Variants in CDV3 observed in about 807,000 individuals in gnomAD.
CDV3 encodes the protein CDV3 homolog.
Under a neutral mutation model 24.5 loss-of-function variants are expected in CDV3, and 14 were observed. That is an observed-to-expected ratio of 0.57 (90% CI 0.38 to 0.89). The LOEUF is 0.89. CDV3 is among the 40% of genes least tolerant of loss of function. The pLI, the probability that CDV3 is intolerant of heterozygous loss-of-function variation, is 0.00. For synonymous variants in CDV3, 114 were observed against 114.1 expected (o/e 1.00, Z 0.00); for missense variants, 304 against 310.2 (o/e 0.98, Z 0.15).
At chr3:133,585,708 C>T (rs1933530769) in intron 3 of CDV3, among the ~76,000 whole-genome samples, 1 of 151,916 alleles carries the variant, frequency 6.6e-6, no homozygotes, top group Admixed American at 6.6e-5. Context: ...TTTGGCCAGG[C>T]TGGTTTTGAA....
rs1421151649 is a variant in CDV3, at chr3:133,589,012, G to A, written c.*966G>A. The A allele has an allele frequency of 1.4e-4, 21 of 152,638 alleles. No individual in the cohort carries two copies. The allele number at this position is 152,638 out of a possible 1,614,324, so 9.5% of individuals were successfully genotyped here. A position where few individuals can be genotyped will look rare whatever the true frequency, so the allele number is the denominator to read the frequency against. ...AACCAAATAGCCTTTGATGAAAAGG[G>A]CAGTGGATTCTGGAGGCTCTACTTC... On this transcript the variant is annotated 3_prime_UTR_variant, in exon 5 of 5. Transcript: ENST00000264993.
intron 2 of CDV3, among the ~76,000 whole-genome samples, chr3:133,581,203 T>C (rs1282240162): frequency 6.6e-6 from 1 of 152,068 alleles, no homozygotes; most frequent in African/African-American, 2.4e-5. Flanking sequence ...GGCAAGACCC[T>C]GTCTCTACAA....
Position 133,589,642 on chromosome 3 carries a change from C to T in CDV3, c.*1596C>T, listed in dbSNP as rs930045133. On this transcript the variant is annotated 3_prime_UTR_variant, in exon 5 of 5. Transcript: ENST00000264993. ...GAGTGAAGCAAGTGGGTGAGTAAAA[C>T]TATTTTGACGTGGGAGCGTTTTCAG... 6.6e-6 allele frequency: 1 copy of T among 152,606 alleles called. No homozygotes were observed. Among genetic ancestry groups the T allele is most frequent in the Admixed American group, 6.5e-5 (1 of 15,278 alleles). 9.5% of individuals were successfully genotyped at this position (152,606 alleles called of 1,614,324 possible).
chr3:133,574,600 C>T, intron 1 of CDV3: 1 of 1,001,644 alleles, frequency 1.0e-6, no homozygotes, highest in South Asian at 4.0e-5. Flanking sequence ...CGGGTGACGT[C>T]TAGGCTGAGT....
chr3:133,573,835 CGCGCGA>C lies in CDV3; in HGVS notation c.-207_-202del. ...CGGCAGCCTCGGGCGACAGCGGCGG[CGCGCGA>C]GCCCCCGGGCGGACCGTACCACCGC... On this transcript the variant is annotated 5_prime_UTR_variant, in exon 1 of 5. Coordinates refer to ENST00000264993, the MANE Select transcript of CDV3 (RefSeq NM_017548.5). 5.8e-6 allele frequency: 1 copy of C among 171,486 alleles called. No homozygotes were observed. The highest frequency in any genetic ancestry group is 1.2e-5 in the Non-Finnish European group (1 of 85,812). The allele number at this position is 171,486 out of a possible 1,614,324, so 10.6% of individuals were successfully genotyped here.
intron 3 of CDV3, among the ~76,000 whole-genome samples, chr3:133,585,399 T>G (rs1933488242): frequency 6.6e-6 from 1 of 152,204 alleles, no homozygotes; most frequent in Non-Finnish European, 1.5e-5. Context: ...TGAGACAGAG[T>G]CTGGCTCCTG....
At chr3:133,587,079 A>T in intron 4 of CDV3, 1 of 706,936 alleles carries the variant, frequency 1.4e-6, no homozygotes, top group Non-Finnish European at 2.2e-6. Context: ...AGCGCTGTTT[A>T]ATTGTATTCC....
intron 3 of CDV3, among the ~76,000 whole-genome samples, chr3:133,585,428 G>T (rs185433688): frequency 6.6e-6 from 1 of 151,988 alleles, no homozygotes; most frequent in African/African-American, 2.4e-5. Flanking sequence ...TGATCTGCCC[G>T]CCTCGGCCTC....
At chr3:133,580,183 A>C (rs2074961754) in intron 2 of CDV3, among the ~76,000 whole-genome samples, 2 of 148,710 alleles carry the variant, frequency 1.3e-5, no homozygotes, top group Admixed American at 6.7e-5. Flanking sequence ...ATTTGTTCTC[A>C]TTGTTCAACT....
intron 2 of CDV3, among the ~76,000 whole-genome samples, chr3:133,580,046 G>A (rs1275504412): frequency 6.6e-6 from 1 of 152,116 alleles, no homozygotes; most frequent in Non-Finnish European, 1.5e-5. Context: ...AGGTATATAT[G>A]TGCCATGGTG....
intron 2 of CDV3, among the ~76,000 whole-genome samples, chr3:133,578,281 T>C (rs763582777): frequency 6.6e-5 from 10 of 152,202 alleles, no homozygotes; most frequent in African/African-American, 1.9e-4. Flanking sequence ...CACTTCCATC[T>C]TTAAAGTGGA....
intron 2 of CDV3, among the ~76,000 whole-genome samples, chr3:133,578,114 C>T (rs115408643): frequency 1.3e-5 from 2 of 152,104 alleles, no homozygotes; most frequent in African/African-American, 2.4e-5. Flanking sequence ...CTCAGCCTCC[C>T]GAGTAGCTGG....
At chr3:133,586,461 A>G (rs909728103) in intron 3 of CDV3, 102 bp from the exon 4 acceptor site, 1 of 663,592 alleles carries the variant, frequency 1.5e-6, no homozygotes, top group Non-Finnish European at 2.7e-6. Flanking sequence ...AGACCCTGGT[A>G]TTGTTTTTTC....
In CDV3 at chr3:133,578,875, C is replaced by T. The variant is rs561708387; in HGVS notation, c.317+3760C>T. 5.9e-5 allele frequency among the ~76,000 whole-genome samples: 9 copies of T among 152,298 alleles called. No individual in the cohort carries two copies. In the East Asian group the frequency reaches 1.2e-3, roughly 20 times the overall value. On this transcript the variant is annotated intron_variant, in intron 2 of 4. Transcript: ENST00000264993. Reference sequence around the variant, plus strand: ...TGTCTCTTGAGGTAAAGAGATAAGGCTGTTCTATTCTTTATAAATATACTG... The same window carrying T: ...TGTCTCTTGAGGTAAAGAGATAAGGTTGTTCTATTCTTTATAAATATACTG...
chr3:133,585,044 C>G (rs541165845), intron 3 of CDV3, among the ~76,000 whole-genome samples: 1 of 152,198 alleles, frequency 6.6e-6, no homozygotes, highest in African/African-American at 2.4e-5. Context: ...GATAACTACT[C>G]TATGTTAAAT....
At chr3:133,587,064 A>G (rs1165874236) in intron 4 of CDV3, 3 of 616,442 alleles carry the variant, frequency 4.9e-6, no homozygotes, top group Non-Finnish European at 2.6e-6. Context: ...AACTAGAAAT[A>G]TAAAAGCGCT....
chr3:133,587,788 T>C, intron 4 of CDV3, 108 bp from the exon 5 acceptor site: 4 of 1,484,832 alleles, frequency 2.7e-6, no homozygotes, highest in East Asian at 2.3e-5. Flanking sequence ...CTCCTACCCC[T>C]CCCCAGGATT....
At position 133,588,343 on chromosome 3, in the gene CDV3, T is replaced by C. The variant is rs1933817838; in HGVS notation, c.*297T>C. ...AGCCAGTGGTCATTTCAAAATCTTT[T>C]TATGTTCAGATACTGAGCCTTCATA... On this transcript the variant is annotated 3_prime_UTR_variant, in exon 5 of 5. Transcript: ENST00000264993. 1 of 1,536,294 alleles carries C rather than the reference T, an allele frequency of 6.5e-7. No individual in the cohort carries two copies. Among genetic ancestry groups the C allele is most frequent in the East Asian group, 2.4e-5 (1 of 40,916 alleles).
intron 2 of CDV3, among the ~76,000 whole-genome samples, chr3:133,579,491 T>C (rs552847985): frequency 2.6e-5 from 4 of 152,330 alleles, no homozygotes; most frequent in East Asian, 1.9e-4. Flanking sequence ...TAATAAAATA[T>C]GTAAATCATT....
Sources: allele counts gnomAD v4.1 joint callset (sites outside exome capture counted in the v4.1 genomes callset), GRCh38; gene constraint gnomAD v4.1.1; transcripts MANE v1.5; gene names NCBI Gene and HGNC (gene_info 2026-07-23, HGNC 2026-07-21).